Variants in SLK observed in about 807,000 individuals in gnomAD.
SLK encodes STE20 like kinase.
A neutral mutation model predicts 147.7 loss-of-function variants in SLK; 67 were observed. That is an observed-to-expected ratio of 0.45 (90% CI 0.37 to 0.56). The LOEUF (loss-of-function observed/expected upper bound fraction) is 0.56, where lower values mean the gene tolerates loss of function less well. SLK is among the 20% of genes least tolerant of loss of function. SLK has a pLI of 0.00. For synonymous variants in SLK, 441 were observed against 475.0 expected (o/e 0.93, Z 0.93); for missense variants, 1,136 against 1,438.8 (o/e 0.79, Z 3.41).
chr10:104,005,849 A>G, intron 10 of SLK, 63 bp from the exon 11 acceptor site: 2 of 1,552,120 alleles, frequency 1.3e-6, no homozygotes, highest in Non-Finnish European at 1.7e-6. Flanking sequence ...GCTTTAAAAA[A>G]AAACGTATTT....
chr10:104,009,588 T>A (rs530832027), intron 12 of SLK, among the ~76,000 whole-genome samples: 1 of 152,154 alleles, frequency 6.6e-6, no homozygotes, highest in Non-Finnish European at 1.5e-5. Flanking sequence ...TTACTGGGGC[T>A]ACATGTTAAT....
rs1564664266 is a variant in SLK, at chr10:104,019,914, A to G, written c.3313A>G (p.Ile1105Val). The G allele has an allele frequency of 6.2e-7, 1 of 1,610,888 alleles. No homozygotes were observed. Among genetic ancestry groups the G allele is most frequent in the Non-Finnish European group, 8.5e-7 (1 of 1,177,768 alleles). Residue 1105 changes from isoleucine (I) to valine (V), a missense_variant, in exon 16 of 19, where the codon ATT (isoleucine) becomes GTT (valine). By Grantham distance (29) the Ile-to-Val change is conservative (BLOSUM62 3). This residue lies in a region of SLK where 327 missense variants were observed against 457.5 expected (regional missense o/e 0.71). Coordinates refer to ENST00000369755, the MANE Select transcript of SLK (RefSeq NM_014720.4). The stretch of plus-strand genomic sequence containing the variant: ...CACACCAGATCAGGACCGTGATAAA[A>G]TTAAACAGGTAAATATGCAAGTTAG... ...TATPDQDRDK[I>V]KQFAAQEEKR...
intron 1 of SLK, among the ~76,000 whole-genome samples, chr10:103,971,456 A>G (rs1403855222): frequency 6.6e-6 from 1 of 152,154 alleles, no homozygotes; most frequent in East Asian, 1.9e-4. Flanking sequence ...TTGTATTTTT[A>G]GTAGAGACGG....
chr10:104,022,216 TAGGG>T (rs1844545002), intron 18 of SLK, among the ~76,000 whole-genome samples: 2 of 152,014 alleles, frequency 1.3e-5, no homozygotes, highest in African/African-American at 4.8e-5. Flanking sequence ...GTGTAGTCAT[TAGGG>T]AGGAAGAAAA....
rs1258138673 is a variant in SLK, at chr10:104,027,364, T to C, written c.*1644T>C. 1.3e-5 allele frequency: 2 copies of C among 152,510 alleles called. No homozygotes were observed. Among genetic ancestry groups the C allele is most frequent in the Non-Finnish European group, 2.9e-5 (2 of 67,998 alleles). The allele number at this position is 152,510 out of a possible 1,614,324, so 9.4% of individuals were successfully genotyped here. A position where few individuals can be genotyped will look rare whatever the true frequency, so the allele number is the denominator to read the frequency against. On this transcript the variant is annotated 3_prime_UTR_variant, in exon 19 of 19. Transcript: ENST00000369755. ...AACTTCTGGCCAAGTTTGTTTTTTA[T>C]ATAAATATATATACATATATACATA...
intron 18 of SLK, among the ~76,000 whole-genome samples, chr10:104,023,232 A>G (rs1844557717): frequency 6.6e-6 from 1 of 152,194 alleles, no homozygotes; most frequent in African/African-American, 2.4e-5. Flanking sequence ...GTCTCCTGAA[A>G]TGTAGACATT....
intron 10 of SLK, 91 bp downstream of exon 10, chr10:104,005,782 T>C: frequency 6.7e-7 from 1 of 1,493,160 alleles, no homozygotes; most frequent in Non-Finnish European, 9.1e-7. Flanking sequence ...GGGTAAATTA[T>C]TGGCTAATTT....
intron 13 of SLK, among the ~76,000 whole-genome samples, chr10:104,016,307 A>G (rs1049540217): frequency 1.3e-5 from 2 of 152,024 alleles, no homozygotes; most frequent in Non-Finnish European, 2.9e-5. Flanking sequence ...TGACAGAGCA[A>G]GACTCTCTTT....
At chr10:103,993,247 A>G in intron 4 of SLK, 114 bp downstream of exon 4, 2 of 663,906 alleles carry the variant, frequency 3.0e-6, no homozygotes, top group Non-Finnish European at 4.8e-6. Flanking sequence ...ATGGAGAACT[A>G]ACTCCATGCT....
At chr10:103,988,134 A>G (rs1338762574) in intron 1 of SLK, among the ~76,000 whole-genome samples, 3 of 152,230 alleles carry the variant, frequency 2.0e-5, no homozygotes, top group African/African-American at 4.8e-5. Flanking sequence ...TAATTTAACA[A>G]GGTCTGTTTG....
At chr10:103,981,183 GTT>G (rs60741360) in intron 1 of SLK, among the ~76,000 whole-genome samples, 2 of 148,704 alleles carry the variant, frequency 1.3e-5, no homozygotes, top group African/African-American at 2.5e-5. Flanking sequence ...CTAGTTGTGG[GTT>G]TTTTTTGTTG....
At chr10:104,000,839 C>G (rs1329232289) in intron 7 of SLK, among the ~76,000 whole-genome samples, 1 of 151,776 alleles carries the variant, frequency 6.6e-6, no homozygotes, top group Non-Finnish European at 1.5e-5. Context: ...GGGTGGATCA[C>G]CTGAGGTCAG....
At chr10:103,987,489 A>G (rs1441206971) in intron 1 of SLK, among the ~76,000 whole-genome samples, 1 of 151,152 alleles carries the variant, frequency 6.6e-6, no homozygotes, top group East Asian at 2.0e-4. Context: ...TTTGATGAGT[A>G]TTTTTGTATG....
At chr10:104,020,697 G>A (rs1844523304) in intron 17 of SLK, 84 bp downstream of exon 17, 1 of 1,418,112 alleles carries the variant, frequency 7.1e-7, no homozygotes. Flanking sequence ...GCTAGCCAAA[G>A]TCAACTGCAT....
At chr10:103,975,099 G>T (rs140347806) in intron 1 of SLK, among the ~76,000 whole-genome samples, 1 of 151,664 alleles carries the variant, frequency 6.6e-6, no homozygotes, top group African/African-American at 2.4e-5. Context: ...TTGGGTATAG[G>T]CCACCTTCTC....
At chr10:104,009,715 G>A in intron 12 of SLK, among the ~76,000 whole-genome samples, 1 of 152,002 alleles carries the variant, frequency 6.6e-6, no homozygotes, top group East Asian at 1.9e-4. Flanking sequence ...TTTGTTTGGG[G>A]GTAGGAGAGT....
At chr10:104,022,121 G>A (rs752107171) in intron 18 of SLK, among the ~76,000 whole-genome samples, 2 of 152,130 alleles carry the variant, frequency 1.3e-5, no homozygotes, top group Non-Finnish European at 2.9e-5. Context: ...TTTGAGTAGG[G>A]AGAAGAGAAT....
Position 103,990,660 on chromosome 10 carries a change from T to A in SLK, c.151-15T>A. ...TGCATTTGAAATGTGACACTTCTGA[T>A]ACTTTCATTTTCAGGCCCAGAATAA... On this transcript the variant is annotated splice_polypyrimidine_tract_variant and intron_variant, in intron 1 of 18. Coordinates refer to ENST00000369755, the MANE Select transcript of SLK (RefSeq NM_014720.4). The A allele has an allele frequency of 6.7e-7, 1 of 1,500,828 alleles. No homozygotes were observed. The highest frequency in any genetic ancestry group is 1.4e-5 in the South Asian group (1 of 72,720). 93.0% of individuals were successfully genotyped at this position (1,500,828 alleles called of 1,614,324 possible). A position where few individuals can be genotyped will look rare whatever the true frequency, so the allele number is the denominator to read the frequency against.
chr10:103,981,333 A>T (rs1297916408), intron 1 of SLK, among the ~76,000 whole-genome samples: 1 of 152,124 alleles, frequency 6.6e-6, no homozygotes, highest in Non-Finnish European at 1.5e-5. Flanking sequence ...TAAAATGTAT[A>T]ACATTTTACA....
Sources: gnomAD v4.1 joint callset for allele counts (sites outside exome capture counted in the v4.1 genomes callset) on GRCh38, gnomAD v4.1.1 for gene constraint, gnomAD v4.1.1 regional missense constraint, MANE v1.5 for transcripts, NCBI Gene and HGNC (gene_info 2026-07-23, HGNC 2026-07-21) for gene names.